The following CACNA1A variants were observed in gnomAD, a reference collection of about 807,000 sequenced individuals.
CACNA1A encodes voltage-dependent P/Q-type calcium channel subunit alpha-1A.
A neutral mutation model predicts 262.4 loss-of-function variants in CACNA1A; 57 were observed. The ratio of observed to expected loss-of-function variants is 0.22; its 90% CI spans 0.18 to 0.27. The LOEUF is 0.27. Ranked by LOEUF, CACNA1A falls within the 10% of genes least tolerant of loss-of-function variation. The pLI is 1.00. For synonymous variants in CACNA1A, 1,431 were observed against 1,419.3 expected (o/e 1.01, Z -0.18); for missense variants, 2,526 against 3,562.8 (o/e 0.71, Z 7.41).
intron 26 of CACNA1A, 191 bp from the exon 27 acceptor site, chr19:13,259,892 TGA>T (rs2056684407): frequency 1.7e-6 from 1 of 601,776 alleles, no homozygotes; most frequent in Admixed American, 2.7e-5. Flanking sequence ...GCATCTACTT[TGA>T]GATAAATCCA....
At chr19:13,498,285 T>A (rs982717388) in intron 1 of CACNA1A, among the ~76,000 whole-genome samples, 1 of 152,090 alleles carries the variant, frequency 6.6e-6, no homozygotes, top group Non-Finnish European at 1.5e-5. Flanking sequence ...AAAGGTAACA[T>A]CCAGACTTCG....
At chr19:13,376,571 T>C (rs1023932876) in intron 3 of CACNA1A, among the ~76,000 whole-genome samples, 2 of 148,878 alleles carry the variant, frequency 1.3e-5, no homozygotes, top group African/African-American at 4.9e-5. Flanking sequence ...ACATAATATA[T>C]GTTATATATA....
chr19:13,274,594 C>G (rs2057102472), intron 24 of CACNA1A: 1 of 152,232 alleles, frequency 6.6e-6, no homozygotes, highest in African/African-American at 2.4e-5. Context: ...ATTTTTCATC[C>G]CGCTCCAAAT....
intron 3 of CACNA1A, 165 bp downstream of exon 3, chr19:13,452,711 C>A: frequency 1.6e-6 from 1 of 640,848 alleles, no homozygotes; most frequent in South Asian, 2.2e-5. Flanking sequence ...TAATATACAG[C>A]TGAGACATGG....
chr19:13,300,612 T>C lies in CACNA1A; in HGVS notation c.2217A>G (p.Leu739=). 1 of 1,613,916 alleles carries C rather than the reference T, an allele frequency of 6.2e-7. No homozygotes were observed. Among genetic ancestry groups the C allele is most frequent in the Non-Finnish European group, 8.5e-7 (1 of 1,179,852 alleles). ...CTTCTGCCACCTCCTTGGCTTTCTG[T>C]AGGGCAAGTTTCTGGTTCGCTGCTT... ...EEEAANQKLA[L]QKAKEVAEVS... is the part of the protein sequence containing the mutation. Residue 739 remains leucine, a synonymous_variant, in exon 18 of 47, where the codon CTA becomes CTG. Coordinates refer to ENST00000360228, the MANE Select transcript of CACNA1A (RefSeq NM_001127222.2).
rs548844413 is a variant in CACNA1A, at chr19:13,430,796, G to A, written c.539+22080C>T. ...ATAGCTTGGCAGATGCTCTTCAGGG[G>A]TGTAGAGGGAAATTAAGCCTAGAGG... On this transcript the variant is annotated intron_variant, in intron 3 of 46. Transcript: ENST00000360228. 3.9e-5 allele frequency among the ~76,000 whole-genome samples: 6 copies of A among 152,202 alleles called. 1 individual carries two copies. The highest frequency in any genetic ancestry group is 1.4e-4 in the African/African-American group (6 of 41,526).
rs1396792611 is a variant in CACNA1A at position 13,402,871 on chromosome 19, CACATATATATATATATAT to C, written c.540-31110_540-31093del. On this transcript the variant is annotated intron_variant, in intron 3 of 46. Coordinates refer to ENST00000360228, the MANE Select transcript of CACNA1A (RefSeq NM_001127222.2). ...ACATATATATATACACACACACACACACATATATATATATATATATATATATATATATATATATATATA... is the reference window on the plus strand; with the variant it reads ...ACATATATATATACACACACACACACATATATATATATATATATATATATA... Among the ~76,000 whole-genome samples the C allele has an allele frequency of 6.7e-3, 433 of 64,180 alleles. 3 individuals are homozygous for C. The highest frequency in any genetic ancestry group is 0.032 in the African/African-American group (357 of 11,292). 42.1% of individuals were successfully genotyped at this position (64,180 alleles called of 152,430 possible).
intron 31 of CACNA1A, among the ~76,000 whole-genome samples, chr19:13,242,944 A>C (rs2056120404): frequency 6.6e-6 from 1 of 152,204 alleles, no homozygotes. Context: ...CCCATGCCCC[A>C]TCTTCCTGCC....
chr19:13,269,802 G>A (rs1164104413), intron 24 of CACNA1A, among the ~76,000 whole-genome samples: 2 of 152,300 alleles, frequency 1.3e-5, no homozygotes, highest in East Asian at 3.9e-4. Context: ...AGATATTTGG[G>A]TGAGGTGCAG....
chr19:13,254,104 C>T (rs1308358661), intron 29 of CACNA1A, among the ~76,000 whole-genome samples: 1 of 152,166 alleles, frequency 6.6e-6, no homozygotes, highest in African/African-American at 2.4e-5. Context: ...CTCATTCAAT[C>T]CTCTCACCTC....
At chr19:13,377,884 T>C (rs1394219922) in intron 3 of CACNA1A, among the ~76,000 whole-genome samples, 1 of 151,068 alleles carries the variant, frequency 6.6e-6, no homozygotes, top group Non-Finnish European at 1.5e-5. Context: ...TCCCAGCACT[T>C]AGGGAGATCA....
At chr19:13,495,020 G>A (rs1981329056) in intron 1 of CACNA1A, among the ~76,000 whole-genome samples, 1 of 152,144 alleles carries the variant, frequency 6.6e-6, no homozygotes, top group Non-Finnish European at 1.5e-5. Context: ...AAGAGAAAGA[G>A]TCTACCAGTC....
chr19:13,383,646 G>A (rs780067851), intron 3 of CACNA1A, among the ~76,000 whole-genome samples: 21 of 152,086 alleles, frequency 1.4e-4, no homozygotes, highest in Non-Finnish European at 2.4e-4. Context: ...TATATTGGCT[G>A]TCTCCTCTGC....
chr19:13,282,629 T>TA (rs1266938426), intron 22 of CACNA1A, among the ~76,000 whole-genome samples: 1 of 151,846 alleles, frequency 6.6e-6, no homozygotes, highest in Non-Finnish European at 1.5e-5. Context: ...ACAGGCCACT[T>TA]ACCACTCTCT....
At chr19:13,386,371 TG>T (rs2059613686) in intron 3 of CACNA1A, among the ~76,000 whole-genome samples, 1 of 152,178 alleles carries the variant, frequency 6.6e-6, no homozygotes, top group Non-Finnish European at 1.5e-5. Context: ...TGGGTGCTTC[TG>T]GAAAAGGATT....
intron 46 of CACNA1A, 133 bp downstream of exon 46, chr19:13,208,623 G>A (rs2054670141): frequency 1.7e-6 from 2 of 1,176,060 alleles, no homozygotes; most frequent in Non-Finnish European, 2.3e-6. Flanking sequence ...GGTGGCTTGG[G>A]GGCAGGATGG....
intron 3 of CACNA1A, among the ~76,000 whole-genome samples, chr19:13,381,911 A>G (rs1050857187): frequency 6.6e-6 from 1 of 152,006 alleles, no homozygotes; most frequent in Non-Finnish European, 1.5e-5. Flanking sequence ...TTCTCTGAGT[A>G]AGGTGTGAGC....
chr19:13,361,147 G>A (rs1320298163), intron 5 of CACNA1A, among the ~76,000 whole-genome samples: 1 of 152,080 alleles, frequency 6.6e-6, no homozygotes, highest in East Asian at 1.9e-4. Flanking sequence ...CTGTTCTGGG[G>A]GTGAGGGACA....
intron 10 of CACNA1A, among the ~76,000 whole-genome samples, chr19:13,325,098 C>CTCCTCT (rs1568535685): frequency 6.9e-6 from 1 of 145,136 alleles, no homozygotes; most frequent in Non-Finnish European, 1.5e-5. Context: ...CCCCTTCCTC[C>CTCCTCT]TCTTCTTCTT....
Sources: gnomAD v4.1 joint callset for allele counts (sites outside exome capture counted in the v4.1 genomes callset) on GRCh38, gnomAD v4.1.1 for gene constraint, MANE v1.5 for transcripts, NCBI Gene and HGNC (gene_info 2026-07-23, HGNC 2026-07-21) for gene names.